Variants in ARHGAP26 observed in about 807,000 individuals in gnomAD.
ARHGAP26 encodes rho GTPase-activating protein 26.
Under a neutral mutation model 104.8 loss-of-function variants are expected in ARHGAP26, and 38 were observed. The ratio of observed to expected loss-of-function variants is 0.36; its 90% CI spans 0.28 to 0.48. The LOEUF (loss-of-function observed/expected upper bound fraction) is 0.48. Ranked by LOEUF, ARHGAP26 falls within the 20% of genes least tolerant of loss-of-function variation. The probability of loss-of-function intolerance (pLI) is 0.99; values close to 1 mark genes in which losing one functional copy is unlikely to be tolerated. For missense variants in ARHGAP26, 704 were observed against 947.9 expected, an observed-to-expected ratio of 0.74 and a Z score of 3.38; for synonymous variants, 341 against 340.0, an observed-to-expected ratio of 1.00 and a Z score of -0.03.
At chr5:143,057,795 T>C in intron 17 of ARHGAP26, 48 bp downstream of exon 17, 1 of 1,493,962 alleles carries the variant, frequency 6.7e-7, no homozygotes, top group South Asian at 1.1e-5. Flanking sequence ...CTGAAAGTTC[T>C]TATCTTAGCA....
chr5:143,200,342 A>G (rs11167807), intron 20 of ARHGAP26, among the ~76,000 whole-genome samples: 25,696 of 152,152 alleles, frequency 0.17, 2,658 homozygotes, highest in South Asian at 0.4. Flanking sequence ...AATTTATGCT[A>G]AGGAAACAAT....
chr5:143,173,243 T>G (rs954008860), intron 20 of ARHGAP26: 3 of 156,864 alleles, frequency 1.9e-5, no homozygotes, highest in African/African-American at 7.2e-5. Flanking sequence ...AAAATAAATA[T>G]GGAGTGCCCT....
intron 1 of ARHGAP26, among the ~76,000 whole-genome samples, chr5:142,781,009 T>C (rs1051685334): frequency 1.3e-5 from 2 of 152,252 alleles, no homozygotes; most frequent in Non-Finnish European, 2.9e-5. Flanking sequence ...GAAGGCTACA[T>C]TGGCCAGGTT....
At chr5:142,875,293 C>T in intron 3 of ARHGAP26, 122 bp downstream of exon 3, 1 of 922,070 alleles carries the variant, frequency 1.1e-6, no homozygotes, top group Non-Finnish European at 1.7e-6. Flanking sequence ...TTGAGCTCTT[C>T]AGCAAGCCTC....
At chr5:143,109,260 C>T (rs1364139284) in intron 17 of ARHGAP26, among the ~76,000 whole-genome samples, 1 of 152,132 alleles carries the variant, frequency 6.6e-6, no homozygotes, top group African/African-American at 2.4e-5. Flanking sequence ...GCACAATGAC[C>T]AAGAGGAAAA....
At chr5:142,813,538 A>C (rs1195145186) in intron 1 of ARHGAP26, among the ~76,000 whole-genome samples, 1 of 152,204 alleles carries the variant, frequency 6.6e-6, no homozygotes, top group African/African-American at 2.4e-5. Flanking sequence ...GGGCAGTTTC[A>C]ATAACAAAAC....
intron 1 of ARHGAP26, among the ~76,000 whole-genome samples, chr5:142,775,653 C>T (rs2151814607): frequency 6.6e-6 from 1 of 152,306 alleles, no homozygotes; most frequent in East Asian, 1.9e-4. Context: ...CCTCCCCCAA[C>T]CCTAGTAACC....
At chr5:142,872,936 C>T (rs1228542449) in intron 1 of ARHGAP26, among the ~76,000 whole-genome samples, 1 of 152,140 alleles carries the variant, frequency 6.6e-6, no homozygotes, top group East Asian at 1.9e-4. Flanking sequence ...TCTCCAGGCT[C>T]CCTCCCTAGT....
At chr5:142,966,281 T>G (rs569875877) in intron 11 of ARHGAP26, among the ~76,000 whole-genome samples, 5 of 152,222 alleles carry the variant, frequency 3.3e-5, no homozygotes, top group African/African-American at 9.6e-5. Flanking sequence ...TTTGGCCTAT[T>G]TGGAATTCCG....
chr5:143,055,325 A>G (rs1316306885), intron 15 of ARHGAP26, among the ~76,000 whole-genome samples: 2 of 152,232 alleles, frequency 1.3e-5, no homozygotes, highest in Non-Finnish European at 2.9e-5. Flanking sequence ...TGTAGATTTT[A>G]TTGGCTATTG....
chr5:143,143,322 C>A (rs1400711846), intron 19 of ARHGAP26, among the ~76,000 whole-genome samples: 2 of 152,168 alleles, frequency 1.3e-5, no homozygotes, highest in Non-Finnish European at 2.9e-5. Context: ...GCTCCTGCCT[C>A]CCCTGTGTGA....
chr5:143,120,195 A>C (rs188379736), intron 17 of ARHGAP26, among the ~76,000 whole-genome samples: 1 of 152,344 alleles, frequency 6.6e-6, no homozygotes, highest in East Asian at 1.9e-4. Flanking sequence ...GCAAGTGAAC[A>C]ATCGAGTTTT....
chr5:142,909,330 A>G (rs1232587481), intron 9 of ARHGAP26, among the ~76,000 whole-genome samples: 1 of 152,206 alleles, frequency 6.6e-6, no homozygotes, highest in Non-Finnish European at 1.5e-5. Context: ...TCCTCTCTGC[A>G]GTACATTTTT....
At chr5:142,906,445 GT>G (rs1300420539) in intron 8 of ARHGAP26, among the ~76,000 whole-genome samples, 1 of 152,136 alleles carries the variant, frequency 6.6e-6, no homozygotes, top group Admixed American at 6.5e-5. Context: ...ACATTTAATA[GT>G]TGCCATTCAG....
At chr5:142,789,128 G>A (rs926460740) in intron 1 of ARHGAP26, among the ~76,000 whole-genome samples, 15 of 152,178 alleles carry the variant, frequency 9.9e-5, no homozygotes, top group African/African-American at 3.4e-4. Flanking sequence ...TTTACAAAAT[G>A]GAGACACAAG....
At chr5:143,136,815 C>G (rs1797968434) in intron 19 of ARHGAP26, among the ~76,000 whole-genome samples, 1 of 152,190 alleles carries the variant, frequency 6.6e-6, no homozygotes, top group Non-Finnish European at 1.5e-5. Context: ...AAAACTTTAT[C>G]CTAGCACTTT....
intron 20 of ARHGAP26, among the ~76,000 whole-genome samples, chr5:143,167,463 A>G (rs1034774879): frequency 9.7e-5 from 13 of 133,820 alleles, no homozygotes; most frequent in Non-Finnish European, 2.0e-4. Context: ...AGCCTGCATG[A>G]CAGAGCAAGA....
At chr5:143,078,033 C>T (rs1048504409) in intron 17 of ARHGAP26, among the ~76,000 whole-genome samples, 2 of 152,200 alleles carry the variant, frequency 1.3e-5, no homozygotes, top group African/African-American at 4.8e-5. Context: ...TTGAAATGAA[C>T]AAACTATTGT....
At chr5:143,054,732 T>G (rs1785545637) in intron 15 of ARHGAP26, among the ~76,000 whole-genome samples, 1 of 152,242 alleles carries the variant, frequency 6.6e-6, no homozygotes, top group Admixed American at 6.5e-5. Context: ...AGTGACACCC[T>G]GAGTGATTTA....
Sources: allele counts gnomAD v4.1 joint callset (sites outside exome capture counted in the v4.1 genomes callset), GRCh38; gene constraint gnomAD v4.1.1; transcripts MANE v1.5; gene names NCBI Gene and HGNC (gene_info 2026-07-23, HGNC 2026-07-21).